Variants in ATG3 observed in about 807,000 individuals in gnomAD.
The protein encoded by ATG3 is autophagy related 3.
In ATG3, 25 loss-of-function variants were observed where a neutral mutation model predicts 50.7. The observed-to-expected ratio is 0.49, with a 90% confidence interval of 0.36 to 0.69. ATG3 has a LOEUF of 0.69. Among genes scored for constraint, ATG3 ranks in the 30% least tolerant of loss-of-function variants. ATG3 has a pLI of 0.00. For synonymous variants in ATG3, 119 were observed against 125.5 expected, an observed-to-expected ratio of 0.95 and a Z score of 0.34; for missense variants, 281 against 376.0, an observed-to-expected ratio of 0.75 and a Z score of 2.09.
chr3:112,535,217 C>T (rs1019161013), intron 10 of ATG3: 1 of 152,082 alleles, frequency 6.6e-6, no homozygotes, highest in Non-Finnish European at 1.5e-5. Flanking sequence ...ATCTTCATGA[C>T]AGAGACAGTC....
intron 9 of ATG3, among the ~76,000 whole-genome samples, chr3:112,537,145 C>T (rs888462726): frequency 6.6e-6 from 1 of 151,928 alleles, no homozygotes; most frequent in Admixed American, 6.6e-5. Context: ...GTGACAGCTA[C>T]CCCCAATGCA....
At chr3:112,558,325 G>T in intron 2 of ATG3, 51 bp downstream of exon 2, 1 of 1,379,700 alleles carries the variant, frequency 7.2e-7, no homozygotes. Flanking sequence ...AAGCCACCTA[G>T]TTTAGTATTA....
At chr3:112,542,106 G>T (rs1166152232) in intron 6 of ATG3, among the ~76,000 whole-genome samples, 2 of 146,804 alleles carry the variant, frequency 1.4e-5, no homozygotes, top group Non-Finnish European at 2.9e-5. Context: ...GGTTATTATG[G>T]GAGCAGTAAG....
Position 112,533,003 on chromosome 3 carries a change from TTAA to T in ATG3, c.864-226_864-224del. ...ATTCGATTATTGAATTTGAAACTTC[TTAA>T]TGAGTAGGTGTTCATATAAGCACAA... is the stretch of plus-strand genomic sequence containing the variant. On this transcript the variant is annotated intron_variant, in intron 11 of 11. Coordinates refer to ENST00000283290, the MANE Select transcript of ATG3 (RefSeq NM_022488.5). 6 of 1,182,836 alleles carry T rather than the reference TTAA, an allele frequency of 5.1e-6. No individual in the cohort carries two copies. In the South Asian group the frequency reaches 1.5e-4, roughly 29 times the overall value. The allele number at this position is 1,182,836 out of a possible 1,614,324, so 73.3% of individuals were successfully genotyped here. A position where few individuals can be genotyped will look rare whatever the true frequency, so the allele number is the denominator to read the frequency against.
At chr3:112,538,818 G>A (rs753076634) in intron 7 of ATG3, among the ~76,000 whole-genome samples, 1 of 152,072 alleles carries the variant, frequency 6.6e-6, no homozygotes, top group African/African-American at 2.4e-5. Flanking sequence ...CCCTGCCTGC[G>A]GACTTGGATT....
Position 112,537,767 on chromosome 3 carries a change from T to C in ATG3, c.634A>G (p.Thr212Ala). Residue 212 changes from threonine to alanine, a missense_variant, in exon 9 of 12, where the codon ACT becomes GCT. Around this residue, in one of 3 missense-constraint regions of ATG3, gnomAD observed 242 missense variants for 305.0 expected, o/e 0.79. Coordinates refer to ENST00000283290, the MANE Select transcript of ATG3 (RefSeq NM_022488.5). ...TAGCCAAACAACCATAATCGTGGAG[T>C]CTGGTAATATTTATCATAAGTGATG... is the stretch of plus-strand genomic sequence containing the variant. Reference protein sequence around the residue: ...LYITYDKYYQTPRLWLFGYDE... With the variant: ...LYITYDKYYQAPRLWLFGYDE... 2 of 1,598,582 alleles carry C rather than the reference T, an allele frequency of 1.3e-6. No individual in the cohort carries two copies. The highest frequency in any genetic ancestry group is 1.7e-6 in the Non-Finnish European group (2 of 1,174,460).
intron 2 of ATG3, among the ~76,000 whole-genome samples, chr3:112,553,940 C>G (rs1329365586): frequency 1.3e-5 from 2 of 152,150 alleles, no homozygotes; most frequent in African/African-American, 4.8e-5. Context: ...ACTCTGAAAA[C>G]ACCTACAAAA....
chr3:112,533,219 A>G (rs188244831), intron 11 of ATG3: 440 of 985,370 alleles, frequency 4.5e-4, no homozygotes, highest in Non-Finnish European at 5.2e-4. Context: ...ATTCTAGGTT[A>G]GTGTATGTAT....
In ATG3 at chr3:112,537,847, T is replaced by C; in HGVS notation, c.554A>G (p.Lys185Arg). The C allele has an allele frequency of 6.2e-7, 1 of 1,612,654 alleles. No homozygotes were observed. Among genetic ancestry groups the C allele is most frequent in the African/African-American group, 1.3e-5 (1 of 75,006 alleles). Residue 185 changes from lysine to arginine, a missense_variant, in exon 9 of 12, where the codon AAA becomes AGA. Physicochemically the swap from Lys to Arg is conservative, Grantham distance 26. This residue lies in a region of ATG3 where 242 missense variants were observed against 305.0 expected (regional missense o/e 0.79). Coordinates refer to ENST00000283290, the MANE Select transcript of ATG3 (RefSeq NM_022488.5). ...AGCATCTTCACCGCCAGCATCAGTT[T>C]TGGCTTTACAAGCTTCTACTATTTT... ...TRKIVEACKA[K>R]TDAGGEDAIL...
In ATG3 at chr3:112,534,162, G is replaced by C. The variant is rs775882123; in HGVS notation, c.863+107C>G. On this transcript the variant is annotated intron_variant, in intron 11 of 11. Transcript: ENST00000283290. ...TTCTACTAGGATTTTCAGATGAGAA[G>C]TTAAAACAAGTTATAGCTACTGTAT... The C allele has an allele frequency of 2.2e-5, 32 of 1,486,262 alleles. 1 individual carries two copies. In the African/African-American group the frequency reaches 3.4e-4, roughly 16 times the overall value. The allele number at this position is 1,486,262 out of a possible 1,614,324, so 92.1% of individuals were successfully genotyped here.
intron 7 of ATG3, among the ~76,000 whole-genome samples, chr3:112,539,978 A>G (rs1270201152): frequency 1.3e-5 from 2 of 152,204 alleles, no homozygotes; most frequent in African/African-American, 2.4e-5. Flanking sequence ...TTCAGAAACA[A>G]TATTTGTCCA....
chr3:112,561,849 T>TTTTTTCATGCTACGG lies in ATG3; in HGVS notation c.-322_-321insCCGTAGCATGAAAAA. 2.8e-6 allele frequency: 1 copy of TTTTTTCATGCTACGG among 360,680 alleles called. No homozygotes were observed. Among genetic ancestry groups the TTTTTTCATGCTACGG allele is most frequent in the Non-Finnish European group, 5.1e-6 (1 of 197,986 alleles). 22.3% of individuals were successfully genotyped at this position (360,680 alleles called of 1,614,324 possible). ...TGAGAAGCGGACGCACACGCACCCC[T>TTTTTTCATGCTACGG]CGCCCTCTGCGAGCTGTCTGTCCTC... is the stretch of plus-strand genomic sequence containing the variant. On this transcript the variant is annotated 5_prime_UTR_variant, in exon 1 of 12. The change creates a new upstream start codon in the 5' untranslated region. Transcript: ENST00000283290.
intron 2 of ATG3, among the ~76,000 whole-genome samples, chr3:112,555,727 G>A (rs540955157): frequency 8.5e-5 from 13 of 152,252 alleles, no homozygotes; most frequent in South Asian, 2.1e-4. Context: ...TCCTCCTCCA[G>A]GCTCATTCTA....
chr3:112,543,633 T>C (rs1288763644), intron 6 of ATG3, among the ~76,000 whole-genome samples: 1 of 152,140 alleles, frequency 6.6e-6, no homozygotes, highest in East Asian at 1.9e-4. Flanking sequence ...AATTTAAATG[T>C]TAATATATCA....
At chr3:112,557,455 TA>T (rs1203722019) in intron 2 of ATG3, among the ~76,000 whole-genome samples, 2 of 152,152 alleles carry the variant, frequency 1.3e-5, no homozygotes, top group South Asian at 2.1e-4. Flanking sequence ...CCATCTCTAC[TA>T]AAAGTACAAA....
At chr3:112,551,291 G>C (rs778940366) in intron 3 of ATG3, among the ~76,000 whole-genome samples, 5 of 152,176 alleles carry the variant, frequency 3.3e-5, no homozygotes, top group Admixed American at 6.5e-5. Flanking sequence ...CTTTTGACTA[G>C]TCCCAAGTGT....
chr3:112,544,497 T>C (rs2035830), intron 5 of ATG3, among the ~76,000 whole-genome samples: 19 of 151,836 alleles, frequency 1.3e-4, no homozygotes, highest in African/African-American at 3.9e-4. Context: ...CTACTAAAAA[T>C]ACAAAAGTTA....
chr3:112,551,459 A>G (rs724125), intron 3 of ATG3, among the ~76,000 whole-genome samples: 10,224 of 152,256 alleles, frequency 0.067, 430 homozygotes, highest in Admixed American at 0.12. Context: ...AATTTAGCCA[A>G]AAGTGTGGAC....
chr3:112,538,684 A>C (rs1933142969), intron 7 of ATG3, among the ~76,000 whole-genome samples: 2 of 152,162 alleles, frequency 1.3e-5, no homozygotes, highest in Admixed American at 6.5e-5. Context: ...GAACCATAAA[A>C]TCAAACGCTG....
Sources: allele counts gnomAD v4.1 joint callset (sites outside exome capture counted in the v4.1 genomes callset), GRCh38; gene constraint gnomAD v4.1.1; regional missense constraint gnomAD v4.1.1; transcripts MANE v1.5; gene names NCBI Gene and HGNC (gene_info 2026-07-23, HGNC 2026-07-21).